TTC39A: variants seen among roughly 807,000 people sequenced by gnomAD.
TTC39A encodes the protein tetratricopeptide repeat domain 39A.
Under a neutral mutation model 82.3 loss-of-function variants are expected in TTC39A, and 46 were observed. That is an observed-to-expected ratio of 0.56 (90% CI 0.44 to 0.71). TTC39A has a LOEUF of 0.71. Among genes scored for constraint, TTC39A ranks in the 30% least tolerant of loss-of-function variants. TTC39A has a pLI of 0.00. For missense variants in TTC39A, 543 were observed against 712.9 expected, an observed-to-expected ratio of 0.76 and a Z score of 2.71; for synonymous variants, 254 against 275.2, an observed-to-expected ratio of 0.92 and a Z score of 0.76.
chr1:51,316,000 T>C (rs1310737895), intron 2 of TTC39A, among the ~76,000 whole-genome samples: 1 of 152,182 alleles, frequency 6.6e-6, no homozygotes, highest in Non-Finnish European at 1.5e-5. Context: ...GACCCTGAAT[T>C]TCTATTTGGC....
Position 51,312,924 on chromosome 1 carries a change from G to A in TTC39A, c.166C>T (p.His56Tyr). 6.2e-7 allele frequency: 1 copy of A among 1,613,678 alleles called. No individual in the cohort carries two copies. The highest frequency in any genetic ancestry group is 8.5e-7 in the Non-Finnish European group (1 of 1,179,692). Residue 56 changes from histidine (H) to tyrosine (Y), a missense_variant, in exon 3 of 18, where the codon CAC (histidine) becomes TAC (tyrosine). Transcript: ENST00000680483. ...AGGATGGTGGCATATGTCAGTGAGT[G>A]GTACATGCTTTCCTTGGTTCTGCCA... ...LKPRTKESMY[H>Y]SLTYATILEM...
chr1:51,312,957 G>C lies in TTC39A; in HGVS notation c.147-14C>G, dbSNP rs1645140738. The C allele has an allele frequency of 6.2e-7, 1 of 1,612,006 alleles. No individual in the cohort carries two copies. Among genetic ancestry groups the C allele is most frequent in the Middle Eastern group, 1.7e-4 (1 of 6,050 alleles). On this transcript the variant is annotated splice_polypyrimidine_tract_variant and intron_variant, in intron 2 of 17. Transcript: ENST00000680483. Reference sequence around the variant, plus strand: ...CTTTCCTTGGTTCTGCCAAAGAGAAGAGACGTTGAGAGCACCACCTTATAG... The same window carrying C: ...CTTTCCTTGGTTCTGCCAAAGAGAACAGACGTTGAGAGCACCACCTTATAG...
intron 12 of TTC39A, chr1:51,296,794 G>C (rs1191985319): frequency 6.4e-6 from 1 of 157,230 alleles, no homozygotes; most frequent in Non-Finnish European, 1.4e-5. Flanking sequence ...CCCCACCTCT[G>C]CTTCCTGGGA....
chr1:51,315,068 T>C (rs1645233917), intron 2 of TTC39A, among the ~76,000 whole-genome samples: 2 of 151,950 alleles, frequency 1.3e-5, no homozygotes, highest in South Asian at 2.1e-4. Flanking sequence ...CTTGTCTCTC[T>C]CTTCCTCTCC....
In TTC39A at chr1:51,305,046, G is replaced by A. The variant is rs1285270759; in HGVS notation, c.654+35C>T. 3.1e-6 allele frequency: 5 copies of A among 1,610,470 alleles called. No individual in the cohort carries two copies. The East Asian group carries it at 8.9e-5, about 29-fold the overall frequency. On this transcript the variant is annotated intron_variant, in intron 8 of 17. Transcript: ENST00000680483. ...GCAGCCCAGCCCCAGTTCTGGGGCT[G>A]AGCAGGTCAGGGGTGCTAGGAGGCA...
intron 1 of TTC39A, among the ~76,000 whole-genome samples, chr1:51,322,574 AAATGAATGAATG>A (rs140876899): frequency 0.014 from 2,165 of 149,888 alleles, 44 homozygotes; most frequent in African/African-American, 0.039. Flanking sequence ...TCTGTTAGGT[AAATGAATGAATG>A]AATGAATGAA....
At chr1:51,289,915 A>G (rs1644137757) in intron 16 of TTC39A, 90 bp downstream of exon 16, 1 of 1,077,526 alleles carries the variant, frequency 9.3e-7, no homozygotes, top group South Asian at 1.6e-5. Flanking sequence ...GGCTAGGGTC[A>G]GCCACTGCAG....
At chr1:51,290,163 C>T (rs1344137421) in intron 15 of TTC39A, 44 bp from the exon 16 acceptor site, 2 of 1,575,742 alleles carry the variant, frequency 1.3e-6, no homozygotes, top group Non-Finnish European at 8.7e-7. Flanking sequence ...TTGTTCATTT[C>T]TGCAGCAGTT....
chr1:51,333,071 G>A (rs1341932780), upstream of TTC39A, among the ~76,000 whole-genome samples: 1 of 151,972 alleles, frequency 6.6e-6, no homozygotes. Context: ...AATTAGATAG[G>A]CATGGTGGCG....
intron 13 of TTC39A, chr1:51,295,790 TC>T: frequency 2.0e-6 from 1 of 497,896 alleles, no homozygotes. Context: ...GCCACATCTG[TC>T]CTACTGTCCA....
intron 1 of TTC39A, among the ~76,000 whole-genome samples, chr1:51,341,008 C>T (rs1409248606): frequency 6.6e-6 from 1 of 152,144 alleles, no homozygotes; most frequent in East Asian, 1.9e-4. Flanking sequence ...CCCCTCTCTA[C>T]TAAAAATACA....
chr1:51,304,325 A>T (rs926208635), intron 8 of TTC39A, among the ~76,000 whole-genome samples: 1 of 152,246 alleles, frequency 6.6e-6, no homozygotes, highest in African/African-American at 2.4e-5. Context: ...TATATAAATT[A>T]TAATAGAGAG....
chr1:51,327,206 G>A (rs1645743153), intron 1 of TTC39A, among the ~76,000 whole-genome samples: 1 of 152,226 alleles, frequency 6.6e-6, no homozygotes, highest in Non-Finnish European at 1.5e-5. Flanking sequence ...CAGTCAGGAT[G>A]AGGTGGGTGT....
At chr1:51,344,722 G>T (rs1292856793) in intron 1 of TTC39A, among the ~76,000 whole-genome samples, 1 of 152,228 alleles carries the variant, frequency 6.6e-6, no homozygotes, top group Non-Finnish European at 1.5e-5. Context: ...AGCTGACTTC[G>T]CAGATAGCCC....
chr1:51,325,621 C>T (rs1192714968), intron 1 of TTC39A, among the ~76,000 whole-genome samples: 2 of 152,142 alleles, frequency 1.3e-5, no homozygotes, highest in East Asian at 3.9e-4. Flanking sequence ...GGTAACTTGG[C>T]TAAGGTCACA....
chr1:51,290,669 G>A (rs753230268), intron 14 of TTC39A, 44 bp from the exon 15 acceptor site: 8 of 1,533,830 alleles, frequency 5.2e-6, no homozygotes, highest in Middle Eastern at 1.7e-4. Context: ...CTTCCCTAAT[G>A]GGGCCTCAGT....
At chr1:51,322,804 G>A (rs770409030) in intron 1 of TTC39A, among the ~76,000 whole-genome samples, 45 of 152,164 alleles carry the variant, frequency 3.0e-4, no homozygotes, top group Non-Finnish European at 5.9e-4. Context: ...TCCCTGAAGG[G>A]AAATCCTATT....
intron 3 of TTC39A, 93 bp downstream of exon 3, chr1:51,312,719 G>A: frequency 2.6e-6 from 4 of 1,526,700 alleles, no homozygotes; most frequent in East Asian, 2.3e-5. Flanking sequence ...AAAAGCAGCA[G>A]TGCGAATAGT....
chr1:51,321,639 A>C lies in TTC39A; in HGVS notation c.146+82T>G, dbSNP rs1308027574. ...CAGAAAGCCAAAGGCATTTAGTTACACAGGGTTCCTCTCATACAAGACCTC... is the reference window on the plus strand; with the variant it reads ...CAGAAAGCCAAAGGCATTTAGTTACCCAGGGTTCCTCTCATACAAGACCTC... On this transcript the variant is annotated intron_variant, in intron 2 of 17. Transcript: ENST00000680483. This position sits in a 1 kb window ranked among gnomAD's most constrained non-coding sequence, Gnocchi z 4.6. 1.5e-6 allele frequency: 2 copies of C among 1,326,944 alleles called. No homozygotes were observed. The highest frequency in any genetic ancestry group is 2.4e-5 in the East Asian group (1 of 40,918). 82.2% of individuals were successfully genotyped at this position (1,326,944 alleles called of 1,614,324 possible). A position where few individuals can be genotyped will look rare whatever the true frequency, so the allele number is the denominator to read the frequency against.
Sources: gnomAD v4.1 joint callset for allele counts (sites outside exome capture counted in the v4.1 genomes callset) on GRCh38, gnomAD v4.1.1 for gene constraint, Gnocchi (gnomAD v3.1) non-coding constraint, MANE v1.5 for transcripts, NCBI Gene and HGNC (gene_info 2026-07-23, HGNC 2026-07-21) for gene names.